The following FGF14 variants were observed in gnomAD, a reference collection of about 807,000 sequenced individuals.
The protein encoded by FGF14 is fibroblast growth factor 14, also known as fibroblast growth factor homologous factor 4.
FGF14 carries 5 observed loss-of-function variants against 25.5 expected under a neutral mutation model. The ratio of observed to expected loss-of-function variants is 0.20; its 90% CI spans 0.10 to 0.41. The LOEUF (loss-of-function observed/expected upper bound fraction) is 0.41, where lower values mean the gene tolerates loss of function less well. Among genes scored for constraint, FGF14 ranks in the 10% least tolerant of loss-of-function variants. The pLI, the probability that FGF14 is intolerant of heterozygous loss-of-function variation, is 1.00. For synonymous variants in FGF14, 138 were observed against 118.3 expected, an observed-to-expected ratio of 1.17 and a Z score of -1.08; for missense variants, 222 against 320.1, an observed-to-expected ratio of 0.69 and a Z score of 2.34.
chr13:101,926,465 G>C (rs1183921677), intron 1 of FGF14, among the ~76,000 whole-genome samples: 1 of 152,070 alleles, frequency 6.6e-6, no homozygotes, highest in African/African-American at 2.4e-5. Context: ...CTGCTTACCT[G>C]AATTTCTTAT....
chr13:102,289,767 T>C (rs1264643279), intron 1 of FGF14, among the ~76,000 whole-genome samples: 2 of 152,190 alleles, frequency 1.3e-5, no homozygotes, highest in Non-Finnish European at 2.9e-5. Context: ...CAATGCTCTA[T>C]ACATTGTACA....
intron 1 of FGF14, among the ~76,000 whole-genome samples, chr13:101,897,691 G>C (rs937040030): frequency 6.6e-6 from 1 of 152,046 alleles, no homozygotes; most frequent in Non-Finnish European, 1.5e-5. Flanking sequence ...TTGCTGCCAG[G>C]AAATAAACTT....
chr13:101,914,103 T>A (rs939805910), intron 1 of FGF14, among the ~76,000 whole-genome samples: 3 of 151,980 alleles, frequency 2.0e-5, no homozygotes, highest in Non-Finnish European at 2.9e-5. Context: ...TATGATTTTT[T>A]AAAATTTTCT....
chr13:102,037,179 A>G (rs965464129), intron 1 of FGF14, among the ~76,000 whole-genome samples: 1 of 152,154 alleles, frequency 6.6e-6, no homozygotes, highest in African/African-American at 2.4e-5. Context: ...TAGTTCTATT[A>G]TATTGTATTA....
intron 3 of FGF14, among the ~76,000 whole-genome samples, chr13:101,746,521 A>G (rs1443337658): frequency 6.6e-6 from 1 of 152,030 alleles, no homozygotes; most frequent in Non-Finnish European, 1.5e-5. Context: ...CAATATGTTC[A>G]TATACTCCTA....
At chr13:102,274,891 TTAATAAA>T (rs1027609658) in intron 1 of FGF14, among the ~76,000 whole-genome samples, 5 of 151,160 alleles carry the variant, frequency 3.3e-5, no homozygotes, top group East Asian at 1.9e-4. Flanking sequence ...TCGTCATTAT[TTAATAAA>T]TAATAAATAA....
chr13:101,920,643 CAA>C (rs2033931175), upstream of FGF14, among the ~76,000 whole-genome samples: 1 of 152,078 alleles, frequency 6.6e-6, no homozygotes, highest in Non-Finnish European at 1.5e-5. Flanking sequence ...TTTTCAATAT[CAA>C]AATATATGTA....
intron 1 of FGF14, among the ~76,000 whole-genome samples, chr13:102,178,463 G>A (rs985616765): frequency 2.6e-5 from 4 of 152,140 alleles, no homozygotes; most frequent in Admixed American, 2.0e-4. Context: ...ATGCATAAGG[G>A]TGAAGTCTGG....
In FGF14 at chr13:101,714,614, C is replaced by A. The variant is rs776451516; in HGVS notation, c.*8217G>T. On this transcript the variant is annotated 3_prime_UTR_variant, in exon 5 of 5. Coordinates refer to ENST00000376143, the MANE Select transcript of FGF14 (RefSeq NM_004115.4). ...GTTTGTTATAGAGCCAAGAGACACT[C>A]GTCATGCAATGCTTTAGGTGGCTGG... The A allele has an allele frequency of 8.2e-6, 8 of 980,408 alleles. No homozygotes were observed. The Admixed American group carries it at 1.2e-4, about 15-fold the overall frequency. The allele number at this position is 980,408 out of a possible 1,614,324, so 60.7% of individuals were successfully genotyped here.
intron 1 of FGF14, among the ~76,000 whole-genome samples, chr13:102,106,392 G>A (rs1337761933): frequency 6.6e-6 from 1 of 152,082 alleles, no homozygotes; most frequent in Non-Finnish European, 1.5e-5. Context: ...CTAACATGGT[G>A]AAACCCTGCC....
Position 102,012,155 on chromosome 13 carries a change from C to G in FGF14, c.209-136859G>C, listed in dbSNP as rs556383836. Among the ~76,000 whole-genome samples the G allele has an allele frequency of 7.9e-5, 12 of 152,006 alleles. No individual in the cohort carries two copies. The South Asian group carries it at 2.5e-3, about 32-fold the overall frequency. On this transcript the variant is annotated intron_variant, in intron 1 of 4. Coordinates refer to the FGF14 transcript ENST00000376131. ...TTTAAATATAAACTAATCAATTTGC[C>G]GATCCAGTGACCTGAAAATGCCTTG...
chr13:101,843,350 A>G (rs1051653011), intron 3 of FGF14, among the ~76,000 whole-genome samples: 10 of 151,970 alleles, frequency 6.6e-5, no homozygotes, highest in African/African-American at 2.4e-4. Flanking sequence ...ACTGTACAGC[A>G]AAGTGTAGTC....
At chr13:102,399,630 T>C (rs891032936) in intron 1 of FGF14, among the ~76,000 whole-genome samples, 9 of 152,214 alleles carry the variant, frequency 5.9e-5, no homozygotes, top group African/African-American at 2.2e-4. Flanking sequence ...TGGGGTACAC[T>C]TCATAGCTGA....
intron 1 of FGF14, among the ~76,000 whole-genome samples, chr13:102,156,444 T>C (rs1436109915): frequency 1.3e-5 from 2 of 152,188 alleles, no homozygotes; most frequent in East Asian, 1.9e-4. Context: ...GAAAAAGCCT[T>C]TGACAAAATT....
chr13:102,334,385 C>T (rs1242525359), intron 1 of FGF14, among the ~76,000 whole-genome samples: 1 of 152,110 alleles, frequency 6.6e-6, no homozygotes, highest in Non-Finnish European at 1.5e-5. Context: ...TCAGCATTAG[C>T]CTGATGGTTT....
intron 1 of FGF14, among the ~76,000 whole-genome samples, chr13:101,910,456 G>A (rs563407935): frequency 1.3e-5 from 2 of 152,126 alleles, no homozygotes; most frequent in African/African-American, 4.8e-5. Flanking sequence ...ACTTTGAAGT[G>A]GCCCTTCCCT....
intron 1 of FGF14, among the ~76,000 whole-genome samples, chr13:102,075,670 A>G (rs2043330608): frequency 6.6e-6 from 1 of 152,200 alleles, no homozygotes; most frequent in African/African-American, 2.4e-5. Flanking sequence ...ATAATAGACA[A>G]GTTAACTGTA....
At chr13:102,001,962 G>A (rs761472705) in intron 1 of FGF14, among the ~76,000 whole-genome samples, 70 of 152,284 alleles carry the variant, frequency 4.6e-4, no homozygotes, top group Admixed American at 5.9e-4. Context: ...TCCCTGGCTG[G>A]TGCTACAGGC....
intron 1 of FGF14, among the ~76,000 whole-genome samples, chr13:101,947,584 A>C (rs970443135): frequency 6.6e-6 from 1 of 152,222 alleles, no homozygotes; most frequent in African/African-American, 2.4e-5. Context: ...TTAATGCAAG[A>C]GCAGAAAACC....
Sources: allele counts gnomAD v4.1 joint callset (sites outside exome capture counted in the v4.1 genomes callset), GRCh38; gene constraint gnomAD v4.1.1; transcripts MANE v1.5; gene names NCBI Gene and HGNC (gene_info 2026-07-23, HGNC 2026-07-21).